Variants in SLC34A1 observed in about 807,000 individuals in gnomAD.
SLC34A1 encodes the protein solute carrier family 34 member 1.
Under a neutral mutation model 51.4 loss-of-function variants are expected in SLC34A1, and 57 were observed. That is an observed-to-expected ratio of 1.11 (90% CI 0.90 to 1.38). The LOEUF (loss-of-function observed/expected upper bound fraction) is 1.38, where lower values mean the gene tolerates loss of function less well. Ranked by LOEUF, SLC34A1 falls within the 40% of genes most tolerant of loss-of-function variation. The probability of loss-of-function intolerance (pLI) is 0.00; values close to 1 mark genes in which losing one functional copy is unlikely to be tolerated. For missense variants in SLC34A1, 796 were observed against 835.6 expected, an observed-to-expected ratio of 0.95 and a Z score of 0.58; for synonymous variants, 368 against 358.0, an observed-to-expected ratio of 1.03 and a Z score of -0.32.
Position 177,393,686 on chromosome 5 carries a change from T to C in SLC34A1, c.937-8T>C, listed in dbSNP as rs148615663. On this transcript the variant is annotated splice_region_variant and splice_polypyrimidine_tract_variant and intron_variant, in intron 8 of 12. Coordinates refer to ENST00000324417, the MANE Select transcript of SLC34A1 (RefSeq NM_003052.5). Reference sequence around the variant, plus strand: ...CTAATTCACTAAGTCACCCTCCTCCTGATCTAGGCTCCCACCTCCATGTCC... The same window carrying C: ...CTAATTCACTAAGTCACCCTCCTCCCGATCTAGGCTCCCACCTCCATGTCC... The C allele has an allele frequency of 6.2e-7, 1 of 1,614,146 alleles. No homozygotes were observed. Among genetic ancestry groups the C allele is most frequent in the South Asian group, 1.1e-5 (1 of 91,088 alleles).
rs1699002105 is a variant in SLC34A1, at chr5:177,396,935, T to C, written c.1292-15T>C. The C allele has an allele frequency of 6.2e-7, 1 of 1,614,100 alleles. No individual in the cohort carries two copies. The highest frequency in any genetic ancestry group is 2.2e-5 in the East Asian group (1 of 44,876). ...GAGACGCTGGGGGTCCCACTTCCTC[T>C]CCCTCTGTCCCCAGGTCTTGGTGTG... is the stretch of plus-strand genomic sequence containing the variant. On this transcript the variant is annotated splice_polypyrimidine_tract_variant and intron_variant, in intron 11 of 12. Coordinates refer to ENST00000324417, the MANE Select transcript of SLC34A1 (RefSeq NM_003052.5). The surrounding 1 kb of genome is among the most constrained non-coding windows in gnomAD (Gnocchi z 4.0).
rs1470037105 is a variant in SLC34A1 at position 177,396,887 on chromosome 5, G to C, written c.1291+38G>C. The C allele has an allele frequency of 6.2e-7, 1 of 1,614,048 alleles. No individual in the cohort carries two copies. Among genetic ancestry groups the C allele is most frequent in the Non-Finnish European group, 8.5e-7 (1 of 1,180,046 alleles). On this transcript the variant is annotated intron_variant, in intron 11 of 12. Coordinates refer to ENST00000324417, the MANE Select transcript of SLC34A1 (RefSeq NM_003052.5). The surrounding 1 kb of genome is among the most constrained non-coding windows in gnomAD (Gnocchi z 4.0). ...GTAGAGGTGGAGTGGGGTGGGCCAG[G>C]GCTGGCAGGGAAAGGGCCGAAGGAG... is the stretch of plus-strand genomic sequence containing the variant.
chr5:177,393,913 T>C (rs1762881786), intron 9 of SLC34A1, 115 bp from the exon 10 acceptor site: 3 of 1,510,940 alleles, frequency 2.0e-6, no homozygotes, highest in Non-Finnish European at 2.8e-6. Flanking sequence ...AGCTCCGGTG[T>C]TGAGGCTCAA....
At chr5:177,392,863 C>T (rs533049167) in intron 8 of SLC34A1, among the ~76,000 whole-genome samples, 2 of 152,322 alleles carry the variant, frequency 1.3e-5, no homozygotes, top group Non-Finnish European at 2.9e-5. Flanking sequence ...AATCCTCTCA[C>T]CTCAGCCCCC....
rs765268930 is a variant in SLC34A1 at position 177,388,195 on chromosome 5, A to C, written c.840+6A>C. The C allele has an allele frequency of 6.2e-7, 1 of 1,614,008 alleles. No homozygotes were observed. The highest frequency in any genetic ancestry group is 2.2e-5 in the East Asian group (1 of 44,884). On this transcript the variant is annotated splice_donor_region_variant and intron_variant, in intron 7 of 12. Coordinates refer to ENST00000324417, the MANE Select transcript of SLC34A1 (RefSeq NM_003052.5). This position sits in a 1 kb window ranked among gnomAD's most constrained non-coding sequence, Gnocchi z 4.3. Reference sequence around the variant, plus strand: ...TCACGAAGCTCATCATCCAGGTGACAGCAGGGCCTGGCATGGGGTGAGGGT... The same window carrying C: ...TCACGAAGCTCATCATCCAGGTGACCGCAGGGCCTGGCATGGGGTGAGGGT...
chr5:177,390,941 G>C (rs1009527044), intron 8 of SLC34A1, among the ~76,000 whole-genome samples: 1 of 152,212 alleles, frequency 6.6e-6, no homozygotes, highest in Non-Finnish European at 1.5e-5. Flanking sequence ...TCATGCTGCA[G>C]AGGAGGAAAC....
rs577163868 is a variant in SLC34A1 at position 177,389,715 on chromosome 5, A to T, written c.936+1343A>T. The T allele has an allele frequency of 5.1e-5, 79 of 1,537,200 alleles. No individual in the cohort carries two copies. In the South Asian group the frequency reaches 8.7e-4, roughly 17 times the overall value. Reference sequence around the variant, plus strand: ...GCCATGGAAGACAGCTCTGTTCCTCACTGCCCCTGAGCTCCCTGCCGGCCA... The same window carrying T: ...GCCATGGAAGACAGCTCTGTTCCTCTCTGCCCCTGAGCTCCCTGCCGGCCA... On this transcript the variant is annotated intron_variant, in intron 8 of 12. Transcript: ENST00000324417.
rs992904940 is a variant in SLC34A1 at position 177,396,320 on chromosome 5, G to A, written c.1175-413G>A. On this transcript the variant is annotated intron_variant, in intron 10 of 12. Coordinates refer to ENST00000324417, the MANE Select transcript of SLC34A1 (RefSeq NM_003052.5). The surrounding 1 kb of genome is among the most constrained non-coding windows in gnomAD (Gnocchi z 4.0). ...CCCATCAAAGGCACAGTTGCCTGAC[G>A]GAGCCAGGCTGAGAAAGGCCTTCAA... 4.6e-5 allele frequency among the ~76,000 whole-genome samples: 7 copies of A among 152,200 alleles called. No individual in the cohort carries two copies. Among genetic ancestry groups the A allele is most frequent in the Non-Finnish European group, 7.3e-5 (5 of 68,036 alleles).
At position 177,396,719 on chromosome 5, in the gene SLC34A1, CGG is replaced by C; in HGVS notation, c.1175-13_1175-12del. The C allele has an allele frequency of 1.2e-6, 2 of 1,611,438 alleles. No homozygotes were observed. Among genetic ancestry groups the C allele is most frequent in the East Asian group, 4.5e-5 (2 of 44,874 alleles). On this transcript the variant is annotated splice_polypyrimidine_tract_variant and intron_variant, in intron 10 of 12. Coordinates refer to ENST00000324417, the MANE Select transcript of SLC34A1 (RefSeq NM_003052.5). The surrounding 1 kb of genome is among the most constrained non-coding windows in gnomAD (Gnocchi z 4.0). The stretch of plus-strand genomic sequence containing the variant: ...GCTCTGACCCCAGCCTGCTGGGATG[CGG>C]TTTCCTTGCAGACTTCCCTGCCCCC...
chr5:177,398,389 G>A lies in SLC34A1; in HGVS notation c.*103G>A, dbSNP rs1763041907. ...TGTGCATGTGCCTGTGCCACCCTGGGTGCCAGTCTCTCCTTCTGTAGCTCC... is the reference window on the plus strand; with the variant it reads ...TGTGCATGTGCCTGTGCCACCCTGGATGCCAGTCTCTCCTTCTGTAGCTCC... On this transcript the variant is annotated 3_prime_UTR_variant, in exon 13 of 13. Transcript: ENST00000324417. This position sits in a 1 kb window ranked among gnomAD's most constrained non-coding sequence, Gnocchi z 4.7. The A allele has an allele frequency of 2.2e-6, 3 of 1,364,560 alleles. No individual in the cohort carries two copies. Among genetic ancestry groups the A allele is most frequent in the Non-Finnish European group, 2.1e-6 (2 of 967,968 alleles). The allele number at this position is 1,364,560 out of a possible 1,614,324, so 84.5% of individuals were successfully genotyped here. A position where few individuals can be genotyped will look rare whatever the true frequency, so the allele number is the denominator to read the frequency against.
chr5:177,389,744 A>G, intron 8 of SLC34A1: 7 of 1,537,174 alleles, frequency 4.6e-6, no homozygotes, highest in Non-Finnish European at 5.2e-6. Flanking sequence ...CCGGCCACCT[A>G]CTGCAGCTTC....
chr5:177,388,200 G>A lies in SLC34A1; in HGVS notation c.840+11G>A, dbSNP rs947166270. ...AAGCTCATCATCCAGGTGACAGCAGGGCCTGGCATGGGGTGAGGGTGGGGG... is the reference window on the plus strand; with the variant it reads ...AAGCTCATCATCCAGGTGACAGCAGAGCCTGGCATGGGGTGAGGGTGGGGG... On this transcript the variant is annotated intron_variant, in intron 7 of 12. Transcript: ENST00000324417. The surrounding 1 kb of genome is among the most constrained non-coding windows in gnomAD (Gnocchi z 4.3). 4.3e-6 allele frequency: 7 copies of A among 1,613,934 alleles called. No individual in the cohort carries two copies. The African/African-American group carries it at 6.7e-5, about 15-fold the overall frequency.
rs6420095 is a variant in SLC34A1, at chr5:177,394,448, A to C, written c.1174+253A>C. On this transcript the variant is annotated intron_variant, in intron 10 of 12. Transcript: ENST00000324417. ...TTGTTTGATTCAATCAACAAAGAGTACTTAAGCCCCCATTGTGTGACAAGG... is the reference window on the plus strand; with the variant it reads ...TTGTTTGATTCAATCAACAAAGAGTCCTTAAGCCCCCATTGTGTGACAAGG... 0.29 allele frequency among the ~76,000 whole-genome samples: 44,664 copies of C among 152,168 alleles called. 6,909 individuals carry two copies. Among genetic ancestry groups the C allele is most frequent in the Middle Eastern group, 0.38 (113 of 294 alleles).
rs768911630 is a variant in SLC34A1, at chr5:177,398,525, C to A, written c.*239C>A. On this transcript the variant is annotated 3_prime_UTR_variant, in exon 13 of 13. Coordinates refer to ENST00000324417, the MANE Select transcript of SLC34A1 (RefSeq NM_003052.5). The surrounding 1 kb of genome is among the most constrained non-coding windows in gnomAD (Gnocchi z 4.7). ...TTGTATTTGTGTACAGGTGTGCCAG[C>A]CCATGCAGGTGTACACAGACACACC... 138 of 610,720 alleles carry A rather than the reference C, an allele frequency of 2.3e-4. No homozygotes were observed. Among genetic ancestry groups the A allele is most frequent in the Non-Finnish European group, 3.5e-4 (118 of 335,904 alleles). The allele number at this position is 610,720 out of a possible 1,614,324, so 37.8% of individuals were successfully genotyped here.
intron 5 of SLC34A1, among the ~76,000 whole-genome samples, chr5:177,387,098 C>T (rs549826058): frequency 4.6e-5 from 7 of 152,064 alleles, no homozygotes; most frequent in East Asian, 3.9e-4. Context: ...TGGCCGGGCG[C>T]AGTGGCTCAT....
At chr5:177,393,977 G>T in intron 9 of SLC34A1, 51 bp from the exon 10 acceptor site, 1 of 1,609,188 alleles carries the variant, frequency 6.2e-7, no homozygotes. Context: ...CAAAGGTGGG[G>T]ACCTGGGAGC....
At chr5:177,390,059 G>A (rs532625330) in intron 8 of SLC34A1, 17 of 1,186,558 alleles carry the variant, frequency 1.4e-5, no homozygotes, top group Admixed American at 8.3e-5. Flanking sequence ...GTCTTGCAAA[G>A]TGTGAAGTGC....
At chr5:177,390,766 C>T (rs1443935646) in intron 8 of SLC34A1, among the ~76,000 whole-genome samples, 1 of 152,040 alleles carries the variant, frequency 6.6e-6, no homozygotes. Flanking sequence ...GAAACTGCTG[C>T]GCTGGCCCAC....
rs1762658942 is a variant in SLC34A1, at chr5:177,388,030, C to T, written c.681C>T (p.Asn227=). 5 of 1,613,892 alleles carry T rather than the reference C, an allele frequency of 3.1e-6. No individual in the cohort carries two copies. Among genetic ancestry groups the T allele is most frequent in the East Asian group, 4.5e-5 (2 of 44,904 alleles). Residue 227 remains asparagine (N), a synonymous_variant, in exon 7 of 13, where the codon AAC becomes AAT. Coordinates refer to ENST00000324417, the MANE Select transcript of SLC34A1 (RefSeq NM_003052.5). This position sits in a 1 kb window ranked among gnomAD's most constrained non-coding sequence, Gnocchi z 4.3. ...GGGCCACGGTGCATGACTGCTTTAA[C>T]TGGCTGTCAGTGCTGGTCCTGCTGC... The part of the protein sequence containing the change: ...FAGATVHDCF[N]WLSVLVLLPL...
Sources: allele counts gnomAD v4.1 joint callset (sites outside exome capture counted in the v4.1 genomes callset), GRCh38; gene constraint gnomAD v4.1.1; non-coding constraint Gnocchi (gnomAD v3.1); transcripts MANE v1.5; gene names NCBI Gene and HGNC (gene_info 2026-07-23, HGNC 2026-07-21).